The following PLCE1 variants were observed in gnomAD, a reference collection of about 807,000 sequenced individuals.
The protein encoded by PLCE1 is 1-phosphatidylinositol 4,5-bisphosphate phosphodiesterase epsilon-1.
PLCE1 carries 119 observed loss-of-function variants against 242.8 expected under a neutral mutation model. That is an observed-to-expected ratio of 0.49 (90% CI 0.42 to 0.57). PLCE1 has a LOEUF of 0.57. Among genes scored for constraint, PLCE1 ranks in the 20% least tolerant of loss-of-function variants. The probability of loss-of-function intolerance (pLI) is 0.00; values close to 1 mark genes in which losing one functional copy is unlikely to be tolerated. For missense variants in PLCE1, 2,441 were observed against 2,788.8 expected (o/e 0.88, Z 2.81); for synonymous variants, 945 against 1,017.4 (o/e 0.93, Z 1.35).
chr10:94,253,320 A>T (rs1480245952), intron 9 of PLCE1, among the ~76,000 whole-genome samples: 3 of 152,116 alleles, frequency 2.0e-5, no homozygotes, highest in Non-Finnish European at 4.4e-5. Flanking sequence ...ACATGGCAAG[A>T]GCAGGAGTGA....
intron 22 of PLCE1, among the ~76,000 whole-genome samples, chr10:94,289,423 T>A (rs2052571166): frequency 6.6e-6 from 1 of 152,212 alleles, no homozygotes; most frequent in African/African-American, 2.4e-5. Flanking sequence ...TTTACAGTAA[T>A]GCATCACTTA....
At chr10:94,120,026 G>A (rs1474861417) in intron 2 of PLCE1, among the ~76,000 whole-genome samples, 1 of 152,164 alleles carries the variant, frequency 6.6e-6, no homozygotes, top group African/African-American at 2.4e-5. Flanking sequence ...GTGGGTCCTA[G>A]CTATTGCTTA....
intron 4 of PLCE1, among the ~76,000 whole-genome samples, chr10:94,194,251 C>T (rs1451336766): frequency 6.6e-6 from 1 of 152,208 alleles, no homozygotes; most frequent in Non-Finnish European, 1.5e-5. Context: ...CCATCCTTTT[C>T]GTGGGGAATT....
intron 28 of PLCE1, 57 bp downstream of exon 28, chr10:94,313,439 GTGTGTGTATAAATGCC>G: frequency 6.3e-7 from 1 of 1,598,230 alleles, no homozygotes; most frequent in Non-Finnish European, 8.6e-7. Flanking sequence ...ATGGATGTAT[GTGTGTGTATAAATGCC>G]TGTGTGTAAA....
chr10:94,314,164 G>T (rs2053488167), intron 28 of PLCE1, among the ~76,000 whole-genome samples: 1 of 152,238 alleles, frequency 6.6e-6, no homozygotes, highest in Non-Finnish European at 1.5e-5. Flanking sequence ...AGCATCCAAA[G>T]AGGGAGGGGG....
chr10:94,016,758 C>T (rs1246921360), intron 1 of PLCE1, among the ~76,000 whole-genome samples: 1 of 152,040 alleles, frequency 6.6e-6, no homozygotes, highest in Non-Finnish European at 1.5e-5. Flanking sequence ...TCAAATTTTC[C>T]ACAGTAAATG....
At chr10:94,292,563 G>C (rs947482691) in intron 22 of PLCE1, among the ~76,000 whole-genome samples, 11 of 152,206 alleles carry the variant, frequency 7.2e-5, no homozygotes, top group African/African-American at 2.7e-4. Flanking sequence ...TGAGGAGGGA[G>C]TGTTCTAGAG....
At chr10:94,060,362 G>C (rs1238811392) in intron 2 of PLCE1, among the ~76,000 whole-genome samples, 1 of 152,086 alleles carries the variant, frequency 6.6e-6, no homozygotes, top group African/African-American at 2.4e-5. Context: ...ATTGGAAATG[G>C]AATTATGTGA....
At chr10:94,201,084 T>A (rs1013099006) in intron 4 of PLCE1, among the ~76,000 whole-genome samples, 2 of 152,236 alleles carry the variant, frequency 1.3e-5, no homozygotes, top group African/African-American at 4.8e-5. Context: ...TTAATTTAGT[T>A]CATAGTCATG....
At chr10:94,033,003 CAG>C (rs1252770590) in intron 2 of PLCE1, among the ~76,000 whole-genome samples, 1 of 151,856 alleles carries the variant, frequency 6.6e-6, no homozygotes, top group Non-Finnish European at 1.5e-5. Flanking sequence ...AAAAATAACA[CAG>C]ATTTTACAAT....
rs193170003 is a variant in PLCE1 at position 94,057,889 on chromosome 10, C to T, written c.1206+25637C>T. On this transcript the variant is annotated intron_variant, in intron 2 of 32. Transcript: ENST00000371380. ...TGTTGGCAGGGTTCATTTCCTTCTC[C>T]TACTTTCTATTCATTAAGTTATTTT... Among the ~76,000 whole-genome samples, 4 of 152,294 alleles carry T rather than the reference C, an allele frequency of 2.6e-5. No homozygotes were observed. In the East Asian group the frequency reaches 7.7e-4, roughly 29 times the overall value.
chr10:94,281,268 C>T (rs370236313), intron 20 of PLCE1, among the ~76,000 whole-genome samples: 1 of 152,062 alleles, frequency 6.6e-6, no homozygotes, highest in Non-Finnish European at 1.5e-5. Context: ...GTAGTTAGTC[C>T]ACTAGAAAAC....
At chr10:93,996,460 G>C (rs984293677) in intron 1 of PLCE1, among the ~76,000 whole-genome samples, 3 of 152,194 alleles carry the variant, frequency 2.0e-5, no homozygotes, top group African/African-American at 7.2e-5. Context: ...GTTCTGATAG[G>C]GTTTTAGGGA....
At chr10:94,103,704 T>C (rs1052255999) in intron 2 of PLCE1, among the ~76,000 whole-genome samples, 13 of 152,164 alleles carry the variant, frequency 8.5e-5, no homozygotes, top group African/African-American at 2.9e-4. Context: ...TGAGCTAAAA[T>C]GAAGCAAACT....
rs760867173 is a variant in PLCE1, at chr10:94,325,045, T to A, written c.6874T>A (p.Leu2292Met). The change falls in exon 32 of 33, where the codon TTG becomes ATG. Residue 2292 changes from leucine to methionine, a missense_variant. Leu to Met is a conservative substitution (Grantham distance 15). Transcript: ENST00000371380. ...CAAGGAGGAGAAACCTGTGGGTGGC[T>A]TGTCCTCCAGTGACACAATGGATTA... ...QTKEEKPVGG[L>M]SSSDTMDYRQ 1.9e-6 allele frequency: 3 copies of A among 1,614,204 alleles called. No homozygotes were observed. Among genetic ancestry groups the A allele is most frequent in the Non-Finnish European group, 2.5e-6 (3 of 1,180,026 alleles).
At chr10:94,202,960 T>G (rs1048913940) in intron 4 of PLCE1, among the ~76,000 whole-genome samples, 1 of 152,260 alleles carries the variant, frequency 6.6e-6, no homozygotes, top group Non-Finnish European at 1.5e-5. Context: ...ATAGTTATTG[T>G]CTGGCTTCAA....
intron 1 of PLCE1, among the ~76,000 whole-genome samples, chr10:94,017,864 G>T (rs2061309293): frequency 6.6e-6 from 1 of 152,096 alleles, no homozygotes; most frequent in South Asian, 2.1e-4. Context: ...CAGACATAGG[G>T]GATCCAGACA....
At chr10:94,305,208 C>T (rs1294840634) in intron 25 of PLCE1, among the ~76,000 whole-genome samples, 7 of 152,098 alleles carry the variant, frequency 4.6e-5, no homozygotes, top group African/African-American at 1.2e-4. Context: ...GTGGGTAGAT[C>T]GCTTTGCGCT....
At chr10:94,103,335 T>A (rs1404684842) in intron 2 of PLCE1, among the ~76,000 whole-genome samples, 3 of 152,182 alleles carry the variant, frequency 2.0e-5, no homozygotes, top group Non-Finnish European at 1.5e-5. Context: ...TGCTGTTAAT[T>A]ACTGATGCTA....
Sources: allele counts gnomAD v4.1 joint callset (sites outside exome capture counted in the v4.1 genomes callset), GRCh38; gene constraint gnomAD v4.1.1; transcripts MANE v1.5; gene names NCBI Gene and HGNC (gene_info 2026-07-23, HGNC 2026-07-21).